TMEM132D: variants seen among roughly 807,000 people sequenced by gnomAD.
TMEM132D encodes transmembrane protein 132D.
Under a neutral mutation model 62.3 loss-of-function variants are expected in TMEM132D, and 21 were observed. The observed-to-expected ratio is 0.34, with a 90% CI of 0.24 to 0.49. The LOEUF (loss-of-function observed/expected upper bound fraction) is 0.49. Ranked by LOEUF, TMEM132D falls within the 20% of genes least tolerant of loss-of-function variation. The pLI, the probability that TMEM132D is intolerant of heterozygous loss-of-function variation, is 0.99. For missense variants in TMEM132D, 1,346 were observed against 1,402.8 expected, an observed-to-expected ratio of 0.96 and a Z score of 0.65; for synonymous variants, 621 against 575.6, an observed-to-expected ratio of 1.08 and a Z score of -1.13.
intron 5 of TMEM132D, among the ~76,000 whole-genome samples, chr12:129,161,486 T>C (rs1877398830): frequency 6.6e-6 from 1 of 152,186 alleles, no homozygotes; most frequent in African/African-American, 2.4e-5. Context: ...ATTGCAGCCG[T>C]GGGGAGATGG....
At chr12:129,244,557 G>T (rs1031244362) in intron 4 of TMEM132D, among the ~76,000 whole-genome samples, 8 of 152,162 alleles carry the variant, frequency 5.3e-5, no homozygotes, top group Non-Finnish European at 8.8e-5. Flanking sequence ...GAGAGTATTT[G>T]TATTTAGCAC....
chr12:129,639,550 T>A (rs1415038240), intron 2 of TMEM132D, among the ~76,000 whole-genome samples: 1 of 152,050 alleles, frequency 6.6e-6, no homozygotes, highest in Non-Finnish European at 1.5e-5. Flanking sequence ...GTGTCCCCAG[T>A]GGCCCAGAAC....
At chr12:129,766,828 A>C (rs1467413430) in intron 1 of TMEM132D, among the ~76,000 whole-genome samples, 1 of 152,158 alleles carries the variant, frequency 6.6e-6, no homozygotes, top group Non-Finnish European at 1.5e-5. Context: ...GACTGAATAA[A>C]ACCTGAAAGA....
intron 1 of TMEM132D, among the ~76,000 whole-genome samples, chr12:129,763,911 T>C (rs997022229): frequency 6.6e-6 from 1 of 152,196 alleles, no homozygotes; most frequent in Non-Finnish European, 1.5e-5. Context: ...GTGCCCTGTT[T>C]CATTGCAGTA....
At chr12:129,781,414 A>C (rs1368910189) in intron 1 of TMEM132D, among the ~76,000 whole-genome samples, 1 of 152,208 alleles carries the variant, frequency 6.6e-6, no homozygotes, top group Admixed American at 6.5e-5. Flanking sequence ...AGTGATTGTA[A>C]CATATTTCAA....
intron 2 of TMEM132D, among the ~76,000 whole-genome samples, chr12:129,693,232 T>C (rs937561342): frequency 2.0e-5 from 3 of 152,082 alleles, no homozygotes; most frequent in Non-Finnish European, 2.9e-5. Context: ...TGGAGCCAAA[T>C]GAAAGAGCTC....
intron 5 of TMEM132D, among the ~76,000 whole-genome samples, chr12:129,183,229 CA>C (rs1878116146): frequency 1.3e-5 from 2 of 152,204 alleles, no homozygotes; most frequent in African/African-American, 4.8e-5. Flanking sequence ...CTGGAACAGC[CA>C]AAGTAACAGT....
chr12:129,530,880 A>G (rs752357060), intron 3 of TMEM132D, among the ~76,000 whole-genome samples, 179 bp downstream of exon 3: 23 of 152,098 alleles, frequency 1.5e-4, no homozygotes, highest in Non-Finnish European at 2.6e-4. Context: ...TGTGAATAAC[A>G]GCCCACCTTT....
intron 4 of TMEM132D, among the ~76,000 whole-genome samples, chr12:129,222,937 C>T (rs1445182068): frequency 1.3e-5 from 2 of 152,014 alleles, no homozygotes; most frequent in Non-Finnish European, 2.9e-5. Flanking sequence ...ACTCTGGGAA[C>T]TAATGAATTT....
chr12:129,796,391 A>T (rs1054475447), intron 1 of TMEM132D, among the ~76,000 whole-genome samples: 1 of 152,130 alleles, frequency 6.6e-6, no homozygotes, highest in Admixed American at 6.5e-5. Context: ...TCATTTCTAG[A>T]AATACTTTTC....
intron 2 of TMEM132D, among the ~76,000 whole-genome samples, chr12:129,620,138 G>C (rs1441676568): frequency 6.6e-6 from 1 of 152,216 alleles, no homozygotes; most frequent in Non-Finnish European, 1.5e-5. Context: ...TCCAAAAGCA[G>C]GCTGAAGCTG....
intron 3 of TMEM132D, among the ~76,000 whole-genome samples, chr12:129,506,171 G>T (rs1354953883): frequency 2.6e-5 from 4 of 152,142 alleles, no homozygotes; most frequent in Non-Finnish European, 5.9e-5. Context: ...TTCAGGCTTT[G>T]TTTCAAGATT....
At chr12:129,402,584 G>T (rs1378316016) in intron 3 of TMEM132D, among the ~76,000 whole-genome samples, 1 of 152,052 alleles carries the variant, frequency 6.6e-6, no homozygotes. Context: ...TTTCTTTCTT[G>T]TCTTGAGACA....
intron 5 of TMEM132D, among the ~76,000 whole-genome samples, chr12:129,099,802 C>G (rs1875233941): frequency 7.8e-6 from 1 of 127,666 alleles, no homozygotes; most frequent in South Asian, 2.2e-4. Flanking sequence ...GCGAAACCCA[C>G]TTTATTTTTT....
chr12:129,077,725 TAG>T (rs1435757536), intron 8 of TMEM132D, among the ~76,000 whole-genome samples: 38 of 150,894 alleles, frequency 2.5e-4, no homozygotes, highest in African/African-American at 8.8e-4. Flanking sequence ...AAACAACAAA[TAG>T]ACACATGCAA....
chr12:129,687,084 TC>T (rs1435366567), intron 2 of TMEM132D, among the ~76,000 whole-genome samples: 3 of 152,188 alleles, frequency 2.0e-5, no homozygotes, highest in Admixed American at 2.0e-4. Context: ...TGCAAGGTTG[TC>T]CTGAGTACTG....
chr12:129,620,759 G>A (rs1454310159), intron 2 of TMEM132D, among the ~76,000 whole-genome samples: 1 of 152,144 alleles, frequency 6.6e-6, no homozygotes, highest in Non-Finnish European at 1.5e-5. Context: ...CTTAAAAGTG[G>A]GAGCTGAACG....
At chr12:129,570,888 G>A (rs976256279) in intron 2 of TMEM132D, among the ~76,000 whole-genome samples, 1 of 152,176 alleles carries the variant, frequency 6.6e-6, no homozygotes, top group African/African-American at 2.4e-5. Flanking sequence ...AGATCCCTGA[G>A]ACGGGCTTAG....
chr12:129,271,778 T>G (rs1880859806), intron 4 of TMEM132D, among the ~76,000 whole-genome samples: 1 of 151,964 alleles, frequency 6.6e-6, no homozygotes, highest in African/African-American at 2.4e-5. Context: ...CCATGGTATA[T>G]GTGTGCCACA....
Sources: allele counts gnomAD v4.1 joint callset (sites outside exome capture counted in the v4.1 genomes callset), GRCh38; gene constraint gnomAD v4.1.1; transcripts MANE v1.5; gene names NCBI Gene and HGNC (gene_info 2026-07-23, HGNC 2026-07-21).